The following GPC6 variants were observed in gnomAD, a reference collection of about 807,000 sequenced individuals.
GPC6 encodes glypican 6, also known as glypican-6.
GPC6 carries 14 observed loss-of-function variants against 55.2 expected under a neutral mutation model. The ratio of observed to expected loss-of-function variants is 0.25; its 90% CI spans 0.17 to 0.40. The LOEUF is 0.40. Ranked by LOEUF, GPC6 falls within the 10% of genes least tolerant of loss-of-function variation. The pLI is 1.00. For synonymous variants in GPC6, 278 were observed against 259.6 expected, an observed-to-expected ratio of 1.07 and a Z score of -0.68; for missense variants, 641 against 708.5, an observed-to-expected ratio of 0.90 and a Z score of 1.08.
chr13:93,591,256 T>G (rs9561407), intron 2 of GPC6, among the ~76,000 whole-genome samples: 137,391 of 151,732 alleles, frequency 0.91, 62,406 homozygotes, highest in African/African-American at 0.97. Flanking sequence ...GAGGTCAGGA[T>G]ATCGAGCCCA....
intron 3 of GPC6, among the ~76,000 whole-genome samples, chr13:93,835,662 G>C (rs1334937212): frequency 6.6e-6 from 1 of 152,152 alleles, no homozygotes; most frequent in African/African-American, 2.4e-5. Flanking sequence ...TGAAGCAGGA[G>C]AATCGCTTGA....
At position 93,949,148 on chromosome 13, in the gene GPC6, C is replaced by T. The variant is rs185661218; in HGVS notation, c.712-78581C>T. On this transcript the variant is annotated intron_variant, in intron 3 of 8. Coordinates refer to ENST00000377047, the MANE Select transcript of GPC6 (RefSeq NM_005708.5). ...CTCCCTGGCTCAAATTTAACACCTC[C>T]AAATTAGTCCTTAATATTTTTCATT... Among the ~76,000 whole-genome samples, 388 of 152,256 alleles carry T rather than the reference C, an allele frequency of 2.5e-3. 3 individuals carry two copies. The highest frequency in any genetic ancestry group is 8.8e-3 in the African/African-American group (366 of 41,542).
At chr13:93,971,506 C>A (rs1270581535) in intron 3 of GPC6, among the ~76,000 whole-genome samples, 1 of 152,130 alleles carries the variant, frequency 6.6e-6, no homozygotes, top group Non-Finnish European at 1.5e-5. Context: ...TTGCTGAATG[C>A]CATCAAAAAA....
intron 3 of GPC6, among the ~76,000 whole-genome samples, chr13:94,009,697 A>G (rs980275899): frequency 2.6e-5 from 4 of 152,144 alleles, no homozygotes; most frequent in Non-Finnish European, 5.9e-5. Context: ...GAACAGAACC[A>G]TATGTCTGTA....
At chr13:93,525,905 A>G (rs1184070602) in intron 1 of GPC6, among the ~76,000 whole-genome samples, 1 of 152,136 alleles carries the variant, frequency 6.6e-6, no homozygotes, top group Non-Finnish European at 1.5e-5. Context: ...CTACTCACAC[A>G]AGACCCTTAT....
At chr13:93,729,379 C>T (rs1883748170) in intron 2 of GPC6, among the ~76,000 whole-genome samples, 1 of 152,154 alleles carries the variant, frequency 6.6e-6, no homozygotes, top group Admixed American at 6.5e-5. Context: ...TCTATGTTGA[C>T]ATACTCCTTT....
chr13:94,176,657 C>T (rs965903825), intron 4 of GPC6, among the ~76,000 whole-genome samples: 2 of 152,198 alleles, frequency 1.3e-5, no homozygotes, highest in Non-Finnish European at 2.9e-5. Flanking sequence ...CTGTGCTACA[C>T]ATTCTCTCTT....
intron 4 of GPC6, among the ~76,000 whole-genome samples, chr13:94,277,051 C>A (rs1221046735): frequency 6.6e-6 from 1 of 152,210 alleles, no homozygotes; most frequent in East Asian, 1.9e-4. Flanking sequence ...TACCTTCCCA[C>A]CACAGTGTAA....
At chr13:93,221,805 T>C in the GPC6 span, among the ~76,000 whole-genome samples, 1 of 152,194 alleles carries the variant, frequency 6.6e-6, no homozygotes, top group Non-Finnish European at 1.5e-5. Flanking sequence ...AAGAGGCAGG[T>C]TAACTAAGCG....
At chr13:93,675,525 A>G (rs1881553718) in intron 2 of GPC6, among the ~76,000 whole-genome samples, 1 of 152,010 alleles carries the variant, frequency 6.6e-6, no homozygotes, top group African/African-American at 2.4e-5. Flanking sequence ...CCATTGTATA[A>G]CTCTTCAGAT....
chr13:93,589,342 T>C (rs1426672814), intron 2 of GPC6, among the ~76,000 whole-genome samples: 1 of 152,220 alleles, frequency 6.6e-6, no homozygotes, highest in African/African-American at 2.4e-5. Context: ...ACCCACTACC[T>C]AAATTTACCA....
chr13:93,527,282 T>G (rs1338403755), intron 1 of GPC6, among the ~76,000 whole-genome samples: 1 of 152,028 alleles, frequency 6.6e-6, no homozygotes, highest in East Asian at 1.9e-4. Flanking sequence ...ATAATATTAT[T>G]ACCTATAGTC....
At chr13:93,948,083 CAAT>C (rs1879093634) in intron 3 of GPC6, among the ~76,000 whole-genome samples, 1 of 152,072 alleles carries the variant, frequency 6.6e-6, no homozygotes, top group African/African-American at 2.4e-5. Context: ...AATTAAGAAA[CAAT>C]AAAGTTACTC....
At chr13:93,767,561 G>C (rs997768526) in intron 2 of GPC6, among the ~76,000 whole-genome samples, 1 of 152,138 alleles carries the variant, frequency 6.6e-6, no homozygotes, top group Non-Finnish European at 1.5e-5. Context: ...TTTGTGGAAT[G>C]GCTGTTGAGC....
chr13:94,252,021 C>A (rs1265348261), intron 4 of GPC6, among the ~76,000 whole-genome samples: 1 of 152,080 alleles, frequency 6.6e-6, no homozygotes, highest in Non-Finnish European at 1.5e-5. Context: ...GCTCTGGCTT[C>A]TTTCCCGATG....
chr13:93,624,516 AAAG>A (rs1239482336), intron 2 of GPC6, among the ~76,000 whole-genome samples: 1 of 152,250 alleles, frequency 6.6e-6, no homozygotes, highest in African/African-American at 2.4e-5. Context: ...CAAGATTAAG[AAAG>A]AAGGATAAAA....
At chr13:93,391,184 T>A (rs971383537) in intron 1 of GPC6, among the ~76,000 whole-genome samples, 1 of 152,098 alleles carries the variant, frequency 6.6e-6, no homozygotes, top group Admixed American at 6.5e-5. Context: ...TTAGGAGCAG[T>A]GTAATTTAGA....
At chr13:93,939,418 A>AAATAAT (rs903732111) in intron 3 of GPC6, among the ~76,000 whole-genome samples, 4 of 108,784 alleles carry the variant, frequency 3.7e-5, no homozygotes, top group African/African-American at 9.3e-5. Flanking sequence ...ACTCTGTCTC[A>AAATAAT]AATAATAATA....
At chr13:94,099,523 C>A (rs1012382090) in intron 4 of GPC6, among the ~76,000 whole-genome samples, 2 of 152,168 alleles carry the variant, frequency 1.3e-5, no homozygotes, top group Admixed American at 6.5e-5. Flanking sequence ...TGACATTTTA[C>A]TTCAGGTAAA....
Sources: allele counts gnomAD v4.1 joint callset (sites outside exome capture counted in the v4.1 genomes callset), GRCh38; gene constraint gnomAD v4.1.1; transcripts MANE v1.5; gene names NCBI Gene and HGNC (gene_info 2026-07-23, HGNC 2026-07-21).